The following FMNL2 variants were observed in gnomAD, a reference collection of about 807,000 sequenced individuals.
FMNL2 encodes formin-like protein 2.
Under a neutral mutation model 130.2 loss-of-function variants are expected in FMNL2, and 51 were observed. The observed-to-expected ratio is 0.39, with a 90% CI of 0.31 to 0.49. The LOEUF is 0.49. Among genes scored for constraint, FMNL2 ranks in the 20% least tolerant of loss-of-function variants. The pLI, the probability that FMNL2 is intolerant of heterozygous loss-of-function variation, is 0.85. For missense variants in FMNL2, 977 were observed against 1,316.2 expected (o/e 0.74, Z 3.99); for synonymous variants, 465 against 467.1 (o/e 1.00, Z 0.06).
intron 9 of FMNL2, among the ~76,000 whole-genome samples, chr2:152,607,065 A>G (rs1698412540): frequency 6.7e-6 from 1 of 150,148 alleles, no homozygotes; most frequent in Non-Finnish European, 1.5e-5. Context: ...ATGCTAAAAA[A>G]TTCGTGAGAC....
intron 9 of FMNL2, among the ~76,000 whole-genome samples, chr2:152,591,759 T>C (rs1456825121): frequency 6.6e-6 from 1 of 152,086 alleles, no homozygotes; most frequent in African/African-American, 2.4e-5. Context: ...TGAGCCGTGA[T>C]CACACCGCTG....
chr2:152,572,263 A>T (rs141941144), intron 6 of FMNL2, among the ~76,000 whole-genome samples: 139 of 152,196 alleles, frequency 9.1e-4, no homozygotes, highest in African/African-American at 3.2e-3. Context: ...CTCTATCTTA[A>T]GGTCTAAACC....
chr2:152,520,102 G>T (rs1233556217), intron 1 of FMNL2, among the ~76,000 whole-genome samples: 1 of 152,104 alleles, frequency 6.6e-6, no homozygotes, highest in Non-Finnish European at 1.5e-5. Flanking sequence ...TTGTCAAATT[G>T]TAATAACTAA....
intron 1 of FMNL2, among the ~76,000 whole-genome samples, chr2:152,420,066 GCTAAAAGCCGAGTTTTA>G (rs895694914): frequency 6.6e-6 from 1 of 152,166 alleles, no homozygotes; most frequent in African/African-American, 2.4e-5. Context: ...AGGCCAGTTT[GCTAAAAGCCGAGTTTTA>G]CCAAAAGGCT....
intron 2 of FMNL2, among the ~76,000 whole-genome samples, chr2:152,532,629 A>C (rs1295327750): frequency 7.6e-6 from 1 of 131,660 alleles, no homozygotes; most frequent in African/African-American, 2.9e-5. Flanking sequence ...TTTTTTTGAG[A>C]TGGAGTCTTA....
rs376053327 is a variant in FMNL2 at position 152,558,873 on chromosome 2, G to A, written c.443+50G>A. The A allele has an allele frequency of 2.3e-5, 35 of 1,499,040 alleles. No homozygotes were observed. In the African/African-American group the frequency reaches 4.3e-4, roughly 18 times the overall value. 92.9% of individuals were successfully genotyped at this position (1,499,040 alleles called of 1,614,324 possible). A position where few individuals can be genotyped will look rare whatever the true frequency, so the allele number is the denominator to read the frequency against. On this transcript the variant is annotated intron_variant, in intron 5 of 25. Coordinates refer to ENST00000288670, the MANE Select transcript of FMNL2 (RefSeq NM_052905.4). ...ATTTGAATTTTATGTGGTCACAGCA[G>A]ATGCTACTCAGTGGTAAAATTATAC...
intron 25 of FMNL2, among the ~76,000 whole-genome samples, chr2:152,645,006 ATG>A (rs1683424290): frequency 6.6e-6 from 1 of 152,176 alleles, no homozygotes; most frequent in Non-Finnish European, 1.5e-5. Context: ...GGAATTGGGT[ATG>A]TGTTTATTTT....
At chr2:152,607,260 T>A in intron 9 of FMNL2, 79 bp from the exon 10 acceptor site, 1 of 1,155,582 alleles carries the variant, frequency 8.7e-7, no homozygotes, top group African/African-American at 1.5e-5. Flanking sequence ...GAAATCATTA[T>A]TAAGCTGAAA....
At chr2:152,337,825 T>C (rs550540031) in intron 1 of FMNL2, among the ~76,000 whole-genome samples, 16 of 152,158 alleles carry the variant, frequency 1.1e-4, no homozygotes, top group Non-Finnish European at 1.9e-4. Context: ...GGCTGACCTT[T>C]TATTGAGTAG....
At position 152,637,653 on chromosome 2, in the gene FMNL2, C is replaced by G; in HGVS notation, c.2925C>G (p.Val975=). Residue 975 remains valine (V), a synonymous_variant, in exon 23 of 26, where the codon GTC becomes GTG. Coordinates refer to ENST00000288670, the MANE Select transcript of FMNL2 (RefSeq NM_052905.4). The part of the protein sequence containing the change: ...TPPSVFFPVF[V]RFVKAYKQAE... ...CCTCTGTCTTCTTTCCTGTCTTTGT[C>G]CGGTTTGTGAAAGCATATAAGGTAT... 2 of 1,613,946 alleles carry G rather than the reference C, an allele frequency of 1.2e-6. No individual in the cohort carries two copies. The highest frequency in any genetic ancestry group is 1.7e-6 in the Non-Finnish European group (2 of 1,179,864).
intron 9 of FMNL2, among the ~76,000 whole-genome samples, chr2:152,590,773 A>G (rs985082029): frequency 6.6e-6 from 1 of 151,982 alleles, no homozygotes; most frequent in Non-Finnish European, 1.5e-5. Context: ...CATTAAATAT[A>G]TGTGTGTGTA....
chr2:152,393,057 C>T (rs886269247), intron 1 of FMNL2, among the ~76,000 whole-genome samples: 2 of 152,166 alleles, frequency 1.3e-5, no homozygotes, highest in Non-Finnish European at 2.9e-5. Flanking sequence ...CACTTTCTAC[C>T]TGAATGCCCC....
At chr2:152,372,163 T>C (rs1203385256) in intron 1 of FMNL2, among the ~76,000 whole-genome samples, 1 of 152,204 alleles carries the variant, frequency 6.6e-6, no homozygotes, top group Non-Finnish European at 1.5e-5. Flanking sequence ...CCGTTGCTAA[T>C]AAAGGTATTT....
rs773514322 is a variant in FMNL2 at position 152,647,825 on chromosome 2, G to A, written c.3199G>A (p.Asp1067Asn). The change falls in exon 26 of 26, where the codon GAT becomes AAT. Residue 1067 changes from aspartate (D) to asparagine (N), a missense_variant. Coordinates refer to ENST00000288670, the MANE Select transcript of FMNL2 (RefSeq NM_052905.4). ...DLRNQPYRRA[D>N]AVRRSVRRRF... ...TAGAAACCAACCATACAGACGAGCC[G>A]ATGCGGTGAGGAGAAGCGTCAGGCG... 35 of 1,613,808 alleles carry A rather than the reference G, an allele frequency of 2.2e-5. No homozygotes were observed. The East Asian group carries it at 3.1e-4, about 14-fold the overall frequency.
rs75585418 is a variant in FMNL2, at chr2:152,592,328, T to G, written c.876+11279T>G. Among the ~76,000 whole-genome samples the G allele has an allele frequency of 9.6e-3, 1,463 of 152,324 alleles. 20 individuals are homozygous for G. The highest frequency in any genetic ancestry group is 0.034 in the African/African-American group (1,405 of 41,576). On this transcript the variant is annotated intron_variant, in intron 9 of 25. Coordinates refer to ENST00000288670, the MANE Select transcript of FMNL2 (RefSeq NM_052905.4). ...TTAGGTGTTATTGACAATGAATGTG[T>G]GTATTGAGCTTGACTCTCTATGTGA...
chr2:152,403,292 A>G (rs1685810107), intron 1 of FMNL2, among the ~76,000 whole-genome samples: 1 of 151,900 alleles, frequency 6.6e-6, no homozygotes, highest in African/African-American at 2.4e-5. Flanking sequence ...TCATCTTCAG[A>G]AGGACGTCAC....
At chr2:152,391,530 A>G (rs1410471354) in intron 1 of FMNL2, among the ~76,000 whole-genome samples, 1 of 151,950 alleles carries the variant, frequency 6.6e-6, no homozygotes, top group African/African-American at 2.4e-5. Flanking sequence ...AGCATGCAGG[A>G]AGTCATGTGA....
intron 1 of FMNL2, among the ~76,000 whole-genome samples, chr2:152,361,961 A>ATTCC (rs1683206177): frequency 2.6e-5 from 4 of 152,220 alleles, no homozygotes; most frequent in Admixed American, 2.6e-4. Flanking sequence ...TCCCATTAGT[A>ATTCC]CACATAATAT....
intron 1 of FMNL2, among the ~76,000 whole-genome samples, chr2:152,417,137 C>T (rs1209209328): frequency 6.6e-6 from 1 of 152,188 alleles, no homozygotes; most frequent in Non-Finnish European, 1.5e-5. Context: ...ACGAAATTAC[C>T]TGAACAAACC....
Sources: allele counts gnomAD v4.1 joint callset (sites outside exome capture counted in the v4.1 genomes callset), GRCh38; gene constraint gnomAD v4.1.1; transcripts MANE v1.5; gene names NCBI Gene and HGNC (gene_info 2026-07-23, HGNC 2026-07-21).